The following ABL2 variants were observed in gnomAD, a reference collection of about 807,000 sequenced individuals.
The protein encoded by ABL2 is tyrosine-protein kinase ABL2.
ABL2 carries 49 observed loss-of-function variants against 107.7 expected under a neutral mutation model. The observed-to-expected ratio is 0.45, with a 90% CI of 0.36 to 0.58. The LOEUF (loss-of-function observed/expected upper bound fraction) is 0.58, where lower values mean the gene tolerates loss of function less well. Ranked by LOEUF, ABL2 falls within the 20% of genes least tolerant of loss-of-function variation. The probability of loss-of-function intolerance (pLI) is 0.00; values close to 1 mark genes in which losing one functional copy is unlikely to be tolerated. For synonymous variants in ABL2, 549 were observed against 548.6 expected, an observed-to-expected ratio of 1.00 and a Z score of -0.01; for missense variants, 1,245 against 1,457.0, an observed-to-expected ratio of 0.85 and a Z score of 2.37.
chr1:179,110,597 C>T, intron 10 of ABL2, 142 bp from the exon 11 acceptor site: 2 of 1,499,622 alleles, frequency 1.3e-6, no homozygotes, highest in Middle Eastern at 4.8e-4. Flanking sequence ...AGTATGTACT[C>T]TTTTGTCTGG....
chr1:179,213,320 ATT>A (rs1455166035), intron 1 of ABL2, among the ~76,000 whole-genome samples: 1 of 151,264 alleles, frequency 6.6e-6, no homozygotes, highest in Non-Finnish European at 1.5e-5. Context: ...GCTTATTTTT[ATT>A]TTTGTCTTTT....
rs553452448 is a variant in ABL2 at position 179,114,863 on chromosome 1, T to C, written c.1561+15A>G. The C allele has an allele frequency of 1.9e-6, 3 of 1,576,866 alleles. No individual in the cohort carries two copies. The East Asian group carries it at 6.8e-5, about 36-fold the overall frequency. ...AGCTTATGCCTTCAAAATTAAAACA[T>C]GCAAAAATACTCACATGCTCTCATA... On this transcript the variant is annotated intron_variant, in intron 9 of 11. Transcript: ENST00000502732.
chr1:179,173,553 T>C (rs1402216339), intron 1 of ABL2, among the ~76,000 whole-genome samples: 2 of 151,930 alleles, frequency 1.3e-5, no homozygotes, highest in South Asian at 2.1e-4. Flanking sequence ...GGTTTCACCA[T>C]GTTGGCCAGG....
At chr1:179,178,401 C>CAGAAAAAAAAAAAAAA (rs1660169917) in intron 1 of ABL2, among the ~76,000 whole-genome samples, 1 of 68,642 alleles carries the variant, frequency 1.5e-5, no homozygotes, top group Non-Finnish European at 2.8e-5. Flanking sequence ...GACTCTGCCT[C>CAGAAAAAAAAAAAAAA]AAAAAAAAAA....
Position 179,110,282 on chromosome 1 carries a change from C to G in ABL2, c.1825G>C (p.Gly609Arg). 1.2e-6 allele frequency: 2 copies of G among 1,614,192 alleles called. No individual in the cohort carries two copies. The highest frequency in any genetic ancestry group is 1.7e-6 in the Non-Finnish European group (2 of 1,180,036). Residue 609 changes from glycine (G) to arginine (R), a missense_variant and splice_region_variant, in exon 11 of 12, where the codon GGG becomes CGG. Gly to Arg is a moderately radical substitution (Grantham distance 125). Coordinates refer to ENST00000502732, the MANE Select transcript of ABL2 (RefSeq NM_007314.4). ...ATTCTACCTGCTAAGGGACCCATAC[C>G]TGGTGCTAAACTGGAAGCAGAATTT... is the stretch of plus-strand genomic sequence containing the variant. ...TENSASSLAP[G>R]FIRGAQASSG...
At chr1:179,149,955 G>C (rs1307747552) in intron 1 of ABL2, among the ~76,000 whole-genome samples, 9 of 152,170 alleles carry the variant, frequency 5.9e-5, no homozygotes, top group Admixed American at 5.9e-4. Context: ...TTTTGGGCCG[G>C]GCATGGTGTC....
chr1:179,224,353 G>A (rs1017217295), intron 1 of ABL2, among the ~76,000 whole-genome samples: 35 of 151,848 alleles, frequency 2.3e-4, no homozygotes, highest in Admixed American at 7.9e-4. Context: ...TGCAAACTCC[G>A]CCTCCGGGGT....
At chr1:179,164,944 T>C (rs1162477869) in intron 1 of ABL2, among the ~76,000 whole-genome samples, 1 of 152,170 alleles carries the variant, frequency 6.6e-6, no homozygotes, top group Non-Finnish European at 1.5e-5. Context: ...GTTTAATTCA[T>C]AAATTAGGTA....
At chr1:179,156,930 T>C (rs866604852) in intron 1 of ABL2, among the ~76,000 whole-genome samples, 3 of 140,184 alleles carry the variant, frequency 2.1e-5, no homozygotes, top group African/African-American at 5.4e-5. Context: ...AATAAATAAA[T>C]AAAACTCTAT....
chr1:179,149,721 G>C (rs2102727853), intron 1 of ABL2, among the ~76,000 whole-genome samples: 1 of 152,304 alleles, frequency 6.6e-6, no homozygotes. Context: ...CTGAATAAGA[G>C]CACATCTATG....
rs752208127 is a variant in ABL2 at position 179,121,640 on chromosome 1, G to A, written c.915C>T (p.Gly305=). The A allele has an allele frequency of 6.8e-6, 11 of 1,614,008 alleles. No homozygotes were observed. In the Admixed American group the frequency reaches 1.0e-4, roughly 15 times the overall value. The stretch of plus-strand genomic sequence containing the variant: ...CTGTAAGGCTGTATTTCTTCCAGAC[G>A]CCAACGTAAACCTCTCCATACTGAC... ...GGGQYGEVYV[G]VWKKYSLTVA... The change falls in exon 5 of 12, where the codon GGC becomes GGT. Residue 305 remains glycine (G), a synonymous_variant. Transcript: ENST00000502732.
chr1:179,172,697 G>A (rs1219408239), intron 1 of ABL2, among the ~76,000 whole-genome samples: 1 of 152,126 alleles, frequency 6.6e-6, no homozygotes, highest in Non-Finnish European at 1.5e-5. Flanking sequence ...AAGAAGGCAA[G>A]GAGACACTGC....
At chr1:179,169,394 A>C (rs895608378) in intron 1 of ABL2, among the ~76,000 whole-genome samples, 6 of 151,978 alleles carry the variant, frequency 3.9e-5, no homozygotes, top group Non-Finnish European at 8.8e-5. Context: ...AAAAAATACA[A>C]AAAATTAGCT....
intron 1 of ABL2, among the ~76,000 whole-genome samples, chr1:179,207,128 C>T (rs1250428773): frequency 6.6e-6 from 1 of 151,984 alleles, no homozygotes; most frequent in African/African-American, 2.4e-5. Context: ...CTTCCATTAC[C>T]TTCTGAAGTC....
chr1:179,144,191 C>T (rs181285885), intron 1 of ABL2, among the ~76,000 whole-genome samples: 83 of 152,194 alleles, frequency 5.5e-4, no homozygotes, highest in African/African-American at 1.7e-3. Context: ...GGGGCGGTGG[C>T]TCACGCCTGT....
intron 1 of ABL2, among the ~76,000 whole-genome samples, chr1:179,172,575 T>C (rs1407500508): frequency 6.6e-6 from 1 of 152,192 alleles, no homozygotes; most frequent in East Asian, 1.9e-4. Context: ...AAGATGTTAA[T>C]ATAGAAAAAA....
intron 6 of ABL2, among the ~76,000 whole-genome samples, chr1:179,118,992 T>A (rs532512848): frequency 4.6e-5 from 7 of 152,294 alleles, no homozygotes; most frequent in Admixed American, 3.9e-4. Context: ...CCTCTGAGTA[T>A]TTGTCTATTT....
chr1:179,222,816 CA>C (rs762830651), intron 1 of ABL2, among the ~76,000 whole-genome samples: 1,667 of 146,426 alleles, frequency 0.011, 21 homozygotes, highest in Non-Finnish European at 0.018. Context: ...ACAACAACAA[CA>C]AAAAAAAAAC....
chr1:179,108,394 A>C lies in ABL2; in HGVS notation c.2873T>G (p.Phe958Cys). 6.2e-7 allele frequency: 1 copy of C among 1,614,164 alleles called. No homozygotes were observed. Among genetic ancestry groups the C allele is most frequent in the African/African-American group, 1.3e-5 (1 of 75,034 alleles). Residue 958 changes from phenylalanine (F) to cysteine (C), a missense_variant, in exon 12 of 12, where the codon TTC becomes TGC. Around this residue, in one of 3 missense-constraint regions of ABL2, gnomAD observed 761 missense variants for 766.4 expected, o/e 0.99. Coordinates refer to ENST00000502732, the MANE Select transcript of ABL2 (RefSeq NM_007314.4). Reference sequence around the variant, plus strand: ...GACCTGATGCTCAGATAAGAGCTTGAATTTATTCCCCTGAGAGTCTGTGCC... The same window carrying C: ...GACCTGATGCTCAGATAAGAGCTTGCATTTATTCCCCTGAGAGTCTGTGCC... The part of the protein sequence containing the change: ...LIGTDSQGNK[F>C]KLLSEHQVTS...
Sources: allele counts gnomAD v4.1 joint callset (sites outside exome capture counted in the v4.1 genomes callset), GRCh38; gene constraint gnomAD v4.1.1; regional missense constraint gnomAD v4.1.1; transcripts MANE v1.5; gene names NCBI Gene and HGNC (gene_info 2026-07-23, HGNC 2026-07-21).